The following TACC2 variants were observed in gnomAD, a reference collection of about 807,000 sequenced individuals.
The protein encoded by TACC2 is transforming acidic coiled-coil-containing protein 2.
A neutral mutation model predicts 227.3 loss-of-function variants in TACC2; 137 were observed. The ratio of observed to expected loss-of-function variants is 0.60; its 90% CI spans 0.52 to 0.69. The LOEUF is 0.69. TACC2 is among the 30% of genes least tolerant of loss of function. The probability of loss-of-function intolerance (pLI) is 0.00; values close to 1 mark genes in which losing one functional copy is unlikely to be tolerated. For missense variants in TACC2, 3,470 were observed against 3,694.4 expected, an observed-to-expected ratio of 0.94 and a Z score of 1.57; for synonymous variants, 1,523 against 1,487.5, an observed-to-expected ratio of 1.02 and a Z score of -0.55.
chr10:122,075,337 G>A (rs2078672971), intron 3 of TACC2, among the ~76,000 whole-genome samples: 1 of 135,660 alleles, frequency 7.4e-6, no homozygotes, highest in Non-Finnish European at 1.7e-5. Context: ...GTGCCATGAA[G>A]GATGGGGAAG....
Position 122,083,875 on chromosome 10 carries a change from G to T in TACC2, c.1375G>T (p.Glu459Ter), listed in dbSNP as rs1375566982. The T allele has an allele frequency of 6.2e-7, 1 of 1,614,194 alleles. No homozygotes were observed. Among genetic ancestry groups the T allele is most frequent in the Non-Finnish European group, 8.5e-7 (1 of 1,180,048 alleles). ...GCCAGTTTCTGCAGATGCAGCCAAA[G>T]AGGTGGTGGATGCAGGGTTGGTGGG... ...GMPVSADAAK[E>*]VVDAGLVGLE... Residue 459 changes from glutamate to a stop codon, truncating the protein, a stop_gained, in exon 4 of 23, where the codon GAG (glutamate) becomes TAG (stop). Coordinates refer to ENST00000369005, the MANE Select transcript of TACC2 (RefSeq NM_206862.4). LOFTEE classifies it high-confidence loss of function.
chr10:122,085,321 T>C lies in TACC2; in HGVS notation c.2821T>C (p.Leu941=). The C allele has an allele frequency of 1.2e-6, 2 of 1,613,670 alleles. No individual in the cohort carries two copies. The highest frequency in any genetic ancestry group is 1.7e-6 in the Non-Finnish European group (2 of 1,179,952). ...SELSAPTRQK[L]PALGEKRPEG... ...ATTGTCAGCACCAACGAGACAGAAG[T>C]TGCCTGCACTAGGGGAGAAGCGGCC... The change falls in exon 4 of 23, where the codon TTG becomes CTG. Residue 941 remains leucine (L), a synonymous_variant. Transcript: ENST00000369005.
chr10:122,144,514 G>C (rs1272698567), intron 7 of TACC2, among the ~76,000 whole-genome samples: 1 of 152,172 alleles, frequency 6.6e-6, no homozygotes, highest in Non-Finnish European at 1.5e-5. Context: ...GGCAGGCCTC[G>C]GTCCTCAGGG....
intron 2 of TACC2, among the ~76,000 whole-genome samples, chr10:122,042,418 T>C (rs918259502): frequency 6.6e-6 from 1 of 152,014 alleles, no homozygotes; most frequent in Non-Finnish European, 1.5e-5. Flanking sequence ...AATTTTTCTA[T>C]TTTTAGTAGA....
In TACC2 at chr10:122,087,366, G is replaced by A. The variant is rs556922327; in HGVS notation, c.4866G>A (p.Gly1622=). Residue 1622 remains glycine, a synonymous_variant, in exon 4 of 23, where the codon GGG becomes GGA. Coordinates refer to ENST00000369005, the MANE Select transcript of TACC2 (RefSeq NM_206862.4). The part of the protein sequence containing the change: ...EDGPGDFAHT[G]VPGHVPRSTC... ...GTCCCGGGGACTTTGCTCACACAGG[G>A]GTTCCAGGACATGTGCCAAGGTCCA... 34 of 1,614,052 alleles carry A rather than the reference G, an allele frequency of 2.1e-5. No individual in the cohort carries two copies. Among genetic ancestry groups the A allele is most frequent in the Non-Finnish European group, 2.8e-5 (33 of 1,180,036 alleles).
At chr10:122,179,764 G>C (rs1350825706) in intron 7 of TACC2, among the ~76,000 whole-genome samples, 1 of 152,120 alleles carries the variant, frequency 6.6e-6, no homozygotes, top group African/African-American at 2.4e-5. Flanking sequence ...AACATTGGGA[G>C]CCCTTGTTTC....
chr10:122,092,436 A>G (rs2080927142), intron 5 of TACC2, among the ~76,000 whole-genome samples: 1 of 152,226 alleles, frequency 6.6e-6, no homozygotes, highest in South Asian at 2.1e-4. Context: ...CTTGCTAGTT[A>G]TCAGGTGACA....
At chr10:122,135,514 G>A (rs1339904989) in intron 6 of TACC2, among the ~76,000 whole-genome samples, 1 of 152,186 alleles carries the variant, frequency 6.6e-6, no homozygotes, top group African/African-American at 2.4e-5. Context: ...CAATTTTGGT[G>A]CCTTGTTGGT....
intron 16 of TACC2, among the ~76,000 whole-genome samples, chr10:122,231,655 T>C (rs1564744686): frequency 6.6e-6 from 1 of 152,130 alleles, no homozygotes; most frequent in Non-Finnish European, 1.5e-5. Flanking sequence ...CACCAGCCTG[T>C]TGGGGACTAG....
chr10:122,186,298 A>G (rs2094189172), intron 7 of TACC2, among the ~76,000 whole-genome samples: 1 of 152,092 alleles, frequency 6.6e-6, no homozygotes. Flanking sequence ...GCTCATGCCT[A>G]TAATCCCAGC....
intron 2 of TACC2, chr10:122,033,161 G>A (rs1207832032): frequency 1.6e-6 from 2 of 1,288,848 alleles, no homozygotes; most frequent in East Asian, 1.1e-4. Context: ...CAGGTACTGG[G>A]GAATGTGCTG....
Position 122,086,426 on chromosome 10 carries a change from C to T in TACC2, c.3926C>T (p.Ala1309Val). 6.2e-7 allele frequency: 1 copy of T among 1,613,756 alleles called. No homozygotes were observed. Among genetic ancestry groups the T allele is most frequent in the Non-Finnish European group, 8.5e-7 (1 of 1,180,002 alleles). Residue 1309 changes from alanine (A) to valine (V), a missense_variant, in exon 4 of 23, where the codon GCC (alanine) becomes GTC (valine). By Grantham distance (64) the Ala-to-Val change is moderately conservative (BLOSUM62 0). Coordinates refer to ENST00000369005, the MANE Select transcript of TACC2 (RefSeq NM_206862.4). ...AAGGEIPAVQ[A>V]SSGSPKARTT... ...GGTGGGGAAATCCCTGCAGTGCAAG[C>T]CAGCAGTGGTAGTCCCAAAGCCAGA...
rs188910980 is a variant in TACC2 at position 122,066,526 on chromosome 10, C to T, written c.146+15976C>T. On this transcript the variant is annotated intron_variant, in intron 3 of 22. Transcript: ENST00000369005. Reference sequence around the variant, plus strand: ...TTGTGATCCGCCTGCCTTGGCCTCCCGAAGTGCTGGGATTAGAGGCGTGAG... The same window carrying T: ...TTGTGATCCGCCTGCCTTGGCCTCCTGAAGTGCTGGGATTAGAGGCGTGAG... Among the ~76,000 whole-genome samples the T allele has an allele frequency of 3.6e-4, 55 of 152,266 alleles. 2 individuals carry two copies. The highest frequency in any genetic ancestry group is 1.1e-3 in the African/African-American group (47 of 41,552).
chr10:122,035,796 T>TCTCCTTCCTTTCCTCTTTCC (rs1960114388), intron 2 of TACC2, among the ~76,000 whole-genome samples: 1 of 151,786 alleles, frequency 6.6e-6, no homozygotes, highest in Non-Finnish European at 1.5e-5. Flanking sequence ...TCTTTCCTTC[T>TCTCCTTCCTTTCCTCTTTCC]CTCCTTCCTT....
At chr10:121,990,115 T>C (rs573884676) in intron 1 of TACC2, among the ~76,000 whole-genome samples, 91 of 151,980 alleles carry the variant, frequency 6.0e-4, no homozygotes, top group African/African-American at 2.1e-3. Flanking sequence ...CAACCTTCTG[T>C]GGATTTTTTT....
chr10:122,083,082 C>T lies in TACC2; in HGVS notation c.582C>T (p.Ile194=), dbSNP rs559804804. ...CCTCCTTCTCCTTCTCCAGTGGCAT[C>T]GACCAGTCACCTGGAATGTCGCCAG... The part of the protein sequence containing the change: ...QKSSFSFSSG[I]DQSPGMSPVP... The change falls in exon 4 of 23, where the codon ATC becomes ATT. Residue 194 remains isoleucine, a synonymous_variant. Coordinates refer to ENST00000369005, the MANE Select transcript of TACC2 (RefSeq NM_206862.4). 22 of 1,612,858 alleles carry T rather than the reference C, an allele frequency of 1.4e-5. No homozygotes were observed. Among genetic ancestry groups the T allele is most frequent in the Admixed American group, 8.3e-5 (5 of 60,030 alleles).
chr10:122,167,055 A>AC (rs1392596252), intron 7 of TACC2, among the ~76,000 whole-genome samples: 1 of 151,940 alleles, frequency 6.6e-6, no homozygotes, highest in African/African-American at 2.4e-5. Flanking sequence ...GTAGTTGGAG[A>AC]CCCCCGTTTC....
At chr10:122,134,498 C>G (rs1020787275) in intron 6 of TACC2, among the ~76,000 whole-genome samples, 1 of 152,288 alleles carries the variant, frequency 6.6e-6, no homozygotes. Flanking sequence ...ATAGTTTTTA[C>G]TTTTGTGTGA....
Position 122,063,354 on chromosome 10 carries a change from G to A in TACC2, c.146+12804G>A, listed in dbSNP as rs189132123. Among the ~76,000 whole-genome samples, 129 of 152,276 alleles carry A rather than the reference G, an allele frequency of 8.5e-4. 1 individual carries two copies. The highest frequency in any genetic ancestry group is 2.5e-3 in the African/African-American group (102 of 41,554). On this transcript the variant is annotated intron_variant, in intron 3 of 22. Transcript: ENST00000369005. ...TCGGGCAGAGCGCAGAGCAGCCTCC[G>A]CCCCTCCTTGTCCTGCTTCTGACTC...
Sources: gnomAD v4.1 joint callset for allele counts (sites outside exome capture counted in the v4.1 genomes callset) on GRCh38, gnomAD v4.1.1 for gene constraint, MANE v1.5 for transcripts, NCBI Gene and HGNC (gene_info 2026-07-23, HGNC 2026-07-21) for gene names.